The following WWC2 variants were observed in gnomAD, a reference collection of about 807,000 sequenced individuals.
WWC2 encodes the protein protein WWC2.
A neutral mutation model predicts 138.5 loss-of-function variants in WWC2; 101 were observed. The observed-to-expected ratio is 0.73, with a 90% CI of 0.62 to 0.86. The LOEUF (loss-of-function observed/expected upper bound fraction) is 0.86, where lower values mean the gene tolerates loss of function less well. Ranked by LOEUF, WWC2 falls within the 40% of genes least tolerant of loss-of-function variation. The probability of loss-of-function intolerance (pLI) is 0.00; values close to 1 mark genes in which losing one functional copy is unlikely to be tolerated. For missense variants in WWC2, 1,420 were observed against 1,419.4 expected, an observed-to-expected ratio of 1.00 and a Z score of -0.01; for synonymous variants, 558 against 538.4, an observed-to-expected ratio of 1.04 and a Z score of -0.50.
At chr4:183,144,014 A>G (rs1053049503) in intron 1 of WWC2, among the ~76,000 whole-genome samples, 7 of 152,214 alleles carry the variant, frequency 4.6e-5, no homozygotes, top group Non-Finnish European at 7.3e-5. Flanking sequence ...AGTGAATATG[A>G]AATTAAGATA....
intron 1 of WWC2, among the ~76,000 whole-genome samples, chr4:183,152,952 G>C (rs2111120963): frequency 6.6e-6 from 1 of 152,256 alleles, no homozygotes; most frequent in South Asian, 2.1e-4. Context: ...CTGGAATACA[G>C]TGGTGTGAAC....
intron 4 of WWC2, among the ~76,000 whole-genome samples, chr4:183,227,864 CA>C (rs1289125188): frequency 6.6e-6 from 1 of 151,928 alleles, no homozygotes; most frequent in Non-Finnish European, 1.5e-5. Context: ...TGTATGGCAT[CA>C]GTTGTTCACT....
At chr4:183,250,849 G>A (rs1015411942) in intron 8 of WWC2, among the ~76,000 whole-genome samples, 1 of 152,172 alleles carries the variant, frequency 6.6e-6, no homozygotes, top group Non-Finnish European at 1.5e-5. Flanking sequence ...AAGCTCAGCT[G>A]AGAACCAGAT....
chr4:183,137,686 A>G (rs1733164199), intron 1 of WWC2, among the ~76,000 whole-genome samples: 1 of 152,126 alleles, frequency 6.6e-6, no homozygotes, highest in Non-Finnish European at 1.5e-5. Flanking sequence ...TTTTGTAAGG[A>G]CAAGATTTTG....
At chr4:183,229,586 C>T (rs1736180502) in intron 4 of WWC2, among the ~76,000 whole-genome samples, 1 of 152,010 alleles carries the variant, frequency 6.6e-6, no homozygotes, top group Admixed American at 6.5e-5. Flanking sequence ...AGCATATACT[C>T]ATACATCATT....
intron 1 of WWC2, among the ~76,000 whole-genome samples, chr4:183,161,778 G>C (rs1459038159): frequency 6.6e-6 from 1 of 152,150 alleles, no homozygotes; most frequent in East Asian, 1.9e-4. Context: ...TGTGTAGTAG[G>C]CTACACCTCC....
intron 4 of WWC2, among the ~76,000 whole-genome samples, chr4:183,237,622 A>C (rs920686538): frequency 4.6e-5 from 7 of 152,132 alleles, no homozygotes; most frequent in Non-Finnish European, 1.0e-4. Flanking sequence ...TGTATTTATA[A>C]ACTGGGCCTT....
chr4:183,314,155 T>C (rs1739358329), intron 22 of WWC2, among the ~76,000 whole-genome samples: 1 of 152,094 alleles, frequency 6.6e-6, no homozygotes, highest in African/African-American at 2.4e-5. Context: ...TTCATTTTTC[T>C]GCAACACCCT....
intron 1 of WWC2, among the ~76,000 whole-genome samples, chr4:183,129,810 A>C (rs574504120): frequency 1.3e-5 from 2 of 152,308 alleles, no homozygotes; most frequent in East Asian, 3.9e-4. Flanking sequence ...GAAAGTTAGA[A>C]TCCATGTCTT....
In WWC2 at chr4:183,220,678, CA is replaced by C. The variant is rs1475780463; in HGVS notation, c.522+11659del. 3.1e-3 allele frequency among the ~76,000 whole-genome samples: 472 copies of C among 151,712 alleles called. 4 individuals are homozygous for C. The highest frequency in any genetic ancestry group is 0.011 in the African/African-American group (448 of 41,386). On this transcript the variant is annotated intron_variant, in intron 4 of 22. Transcript: ENST00000403733. Reference sequence around the variant, plus strand: ...TGAAACGCCATCTCTACTAAAAATACAAAAAAGTAGCCGGGCGTGGTGGCGG... The same window carrying C: ...TGAAACGCCATCTCTACTAAAAATACAAAAAGTAGCCGGGCGTGGTGGCGG...
intron 4 of WWC2, among the ~76,000 whole-genome samples, chr4:183,226,177 G>T (rs1405410571): frequency 2.7e-5 from 4 of 149,136 alleles, no homozygotes; most frequent in Middle Eastern, 3.5e-3. Context: ...GCTCGCTGCA[G>T]CCTCAGCCTC....
chr4:183,208,880 G>C (rs1735515270), intron 3 of WWC2, 69 bp from the exon 4 acceptor site: 1 of 1,108,616 alleles, frequency 9.0e-7, no homozygotes, highest in Non-Finnish European at 1.3e-6. Flanking sequence ...TTTAGCTTCA[G>C]TAAATTCTAA....
In WWC2 at chr4:183,099,337, CCG is replaced by C. The variant is rs1023333394; in HGVS notation, c.-150_-149del. On this transcript the variant is annotated 5_prime_UTR_variant, in exon 1 of 23. Transcript: ENST00000403733. ...CGAACAGCGTTTCCTGAGGCACCTC[CCG>C]CGCGTGGTTCCGCCGCGCCCCGCGC... is the stretch of plus-strand genomic sequence containing the variant. 1.6e-5 allele frequency: 11 copies of C among 693,598 alleles called. No homozygotes were observed. The African/African-American group carries it at 2.1e-4, about 13-fold the overall frequency. 43.0% of individuals were successfully genotyped at this position (693,598 alleles called of 1,614,324 possible).
At chr4:183,152,566 A>C (rs1024482410) in intron 1 of WWC2, among the ~76,000 whole-genome samples, 4 of 150,880 alleles carry the variant, frequency 2.7e-5, no homozygotes, top group Non-Finnish European at 5.9e-5. Flanking sequence ...AGGCGTTCAC[A>C]TGTGCATATA....
chr4:183,127,954 C>G (rs1036833657), intron 1 of WWC2, among the ~76,000 whole-genome samples: 1 of 150,024 alleles, frequency 6.7e-6, no homozygotes, highest in African/African-American at 2.5e-5. Flanking sequence ...AAGAAATGTA[C>G]ATTATAATTA....
intron 2 of WWC2, among the ~76,000 whole-genome samples, chr4:183,196,553 A>T (rs1735147491): frequency 6.6e-6 from 1 of 152,122 alleles, no homozygotes; most frequent in South Asian, 2.1e-4. Context: ...CATCTGTCTA[A>T]GTCTTTCCCA....
intron 1 of WWC2, among the ~76,000 whole-genome samples, chr4:183,181,239 G>A (rs1310996176): frequency 6.6e-6 from 1 of 152,072 alleles, no homozygotes; most frequent in Non-Finnish European, 1.5e-5. Flanking sequence ...CCTCTCTCTG[G>A]TAAATTGCAT....
intron 1 of WWC2, among the ~76,000 whole-genome samples, chr4:183,107,111 G>C (rs1561417060): frequency 6.6e-6 from 1 of 151,578 alleles, no homozygotes. Context: ...TCCTCTTTCT[G>C]TCTCTCTCTT....
intron 1 of WWC2, among the ~76,000 whole-genome samples, chr4:183,178,828 G>A (rs554502858): frequency 5.3e-5 from 8 of 152,308 alleles, no homozygotes; most frequent in African/African-American, 1.9e-4. Context: ...ATGGCCCCAA[G>A]TCCCCTTACT....
Sources: gnomAD v4.1 joint callset for allele counts (sites outside exome capture counted in the v4.1 genomes callset) on GRCh38, gnomAD v4.1.1 for gene constraint, MANE v1.5 for transcripts, NCBI Gene and HGNC (gene_info 2026-07-23, HGNC 2026-07-21) for gene names.